Variants in LARP4B observed in about 807,000 individuals in gnomAD.
The protein encoded by LARP4B is La ribonucleoprotein 4B, also known as la-related protein 4B.
A neutral mutation model predicts 89.8 loss-of-function variants in LARP4B; 12 were observed. The observed-to-expected ratio is 0.13, with a 90% CI of 0.09 to 0.22. The LOEUF (loss-of-function observed/expected upper bound fraction) is 0.22. Among genes scored for constraint, LARP4B ranks in the 10% least tolerant of loss-of-function variants. The pLI, the probability that LARP4B is intolerant of heterozygous loss-of-function variation, is 1.00. For synonymous variants in LARP4B, 367 were observed against 363.3 expected, an observed-to-expected ratio of 1.01 and a Z score of -0.12; for missense variants, 757 against 947.7, an observed-to-expected ratio of 0.80 and a Z score of 2.64.
chr10:808,535 C>A (rs1831628104), downstream of LARP4B: 1 of 152,020 alleles, frequency 6.6e-6, no homozygotes, highest in Non-Finnish European at 1.5e-5. Flanking sequence ...ACCCTAGAGA[C>A]CCCAGGTGGA....
At position 819,145 on chromosome 10, in the gene LARP4B, T is replaced by C. The variant is rs192293569; in HGVS notation, c.1531-1256A>G. On this transcript the variant is annotated intron_variant, in intron 14 of 17. Transcript: ENST00000316157. ...CAAAATGATCCTGCAAAGCTCTAAG[T>C]TACACATGGCCACTATGATGGCAAA... 4 of 152,386 alleles carry C rather than the reference T, an allele frequency of 2.6e-5. No individual in the cohort carries two copies. In the East Asian group the frequency reaches 7.7e-4, roughly 29 times the overall value. 9.4% of individuals were successfully genotyped at this position (152,386 alleles called of 1,614,324 possible). A position where few individuals can be genotyped will look rare whatever the true frequency, so the allele number is the denominator to read the frequency against.
In LARP4B at chr10:892,135, C is replaced by T. The variant is rs113368645; in HGVS notation, c.-39-6375G>A. ...ACACAGCCGACCAAGGAGTTGAAGG[C>T]GGGCTCCGCACTCGCCAGTGCCTTA... is the stretch of plus-strand genomic sequence containing the variant. On this transcript the variant is annotated intron_variant, in intron 1 of 17. Transcript: ENST00000316157. Among the ~76,000 whole-genome samples, 1,478 of 152,362 alleles carry T rather than the reference C, an allele frequency of 9.7e-3. 11 individuals carry two copies. The highest frequency in any genetic ancestry group is 0.016 in the Non-Finnish European group (1,085 of 68,038).
intron 15 of LARP4B, 144 bp downstream of exon 15, chr10:817,581 T>C: frequency 2.6e-6 from 2 of 768,262 alleles, no homozygotes; most frequent in Non-Finnish European, 2.1e-6. Context: ...ACTCCAAATC[T>C]GTGTGACCTC....
the LARP4B span, among the ~76,000 whole-genome samples, chr10:968,547 C>T: frequency 6.8e-6 from 1 of 147,206 alleles, no homozygotes; most frequent in Non-Finnish European, 1.5e-5. Flanking sequence ...TGAGGGTCCT[C>T]TAATCTAAGG....
chr10:973,990 G>C, the LARP4B span, among the ~76,000 whole-genome samples: 4 of 152,100 alleles, frequency 2.6e-5, no homozygotes, highest in Admixed American at 6.5e-5. Context: ...TTCCCCATGT[G>C]GTCCTTTACA....
intron 1 of LARP4B, among the ~76,000 whole-genome samples, chr10:922,816 T>C (rs1837020673): frequency 6.6e-6 from 1 of 152,204 alleles, no homozygotes; most frequent in African/African-American, 2.4e-5. Context: ...CTCACGCCTG[T>C]AATCCCAACA....
In LARP4B at chr10:823,912, C is replaced by G. The variant is rs74876360; in HGVS notation, c.1484+1153G>C. 9.4e-3 allele frequency among the ~76,000 whole-genome samples: 1,435 copies of G among 152,240 alleles called. 39 individuals carry two copies. The highest frequency in any genetic ancestry group is 0.094 in the East Asian group (485 of 5,180). On this transcript the variant is annotated intron_variant, in intron 13 of 17. Coordinates refer to ENST00000316157, the MANE Select transcript of LARP4B (RefSeq NM_015155.3). Reference sequence around the variant, plus strand: ...GTGCCAGCTCTCCCAGACCATGGTGCCTTCCAATGCCACTGCACAATCCCT... The same window carrying G: ...GTGCCAGCTCTCCCAGACCATGGTGGCTTCCAATGCCACTGCACAATCCCT...
chr10:832,477 C>T, intron 8 of LARP4B, among the ~76,000 whole-genome samples: 1 of 152,300 alleles, frequency 6.6e-6, no homozygotes, highest in Non-Finnish European at 1.5e-5. Context: ...CAGAGGAAAA[C>T]ATTTAACAAA....
At chr10:885,334 CA>C (rs377667511) in intron 2 of LARP4B, among the ~76,000 whole-genome samples, 154 of 147,610 alleles carry the variant, frequency 1.0e-3, no homozygotes, top group Middle Eastern at 6.9e-3. Context: ...TTAGACTTCG[CA>C]AAAAAAAAAT....
At chr10:847,592 C>A (rs996224722) in intron 5 of LARP4B, among the ~76,000 whole-genome samples, 4 of 151,766 alleles carry the variant, frequency 2.6e-5, no homozygotes, top group Non-Finnish European at 5.9e-5. Context: ...GATCTTGCAA[C>A]CTTGGCTCAC....
At chr10:904,907 A>G (rs936295701) in intron 1 of LARP4B, among the ~76,000 whole-genome samples, 1 of 152,250 alleles carries the variant, frequency 6.6e-6, no homozygotes, top group Non-Finnish European at 1.5e-5. Flanking sequence ...CAGACTGTCC[A>G]CATGGGTGGC....
chr10:911,838 C>T (rs1203392393), intron 1 of LARP4B, among the ~76,000 whole-genome samples: 1 of 152,204 alleles, frequency 6.6e-6, no homozygotes, highest in Non-Finnish European at 1.5e-5. Flanking sequence ...GAGACCCTGA[C>T]TTTTGTGTGT....
At chr10:899,133 T>C (rs1227564137) in intron 1 of LARP4B, among the ~76,000 whole-genome samples, 1 of 152,224 alleles carries the variant, frequency 6.6e-6, no homozygotes, top group Non-Finnish European at 1.5e-5. Flanking sequence ...AGCTAAATAT[T>C]TCTCTTTTTA....
chr10:925,595 G>A (rs1052747939), intron 1 of LARP4B, among the ~76,000 whole-genome samples: 3 of 152,026 alleles, frequency 2.0e-5, no homozygotes, highest in Non-Finnish European at 4.4e-5. Flanking sequence ...GTGCAGTGGT[G>A]TGATCTCAGA....
chr10:852,412 G>C (rs904802799), intron 5 of LARP4B, among the ~76,000 whole-genome samples: 3 of 152,194 alleles, frequency 2.0e-5, no homozygotes, highest in Admixed American at 2.0e-4. Context: ...CATCTCCATA[G>C]ATGACAAATT....
At chr10:879,335 T>C (rs1202655428) in intron 3 of LARP4B, among the ~76,000 whole-genome samples, 7 of 152,248 alleles carry the variant, frequency 4.6e-5, no homozygotes, top group African/African-American at 1.7e-4. Context: ...TTCTCCGAAG[T>C]ACCAGGAGAC....
chr10:875,323 G>C (rs1835413618), intron 3 of LARP4B, among the ~76,000 whole-genome samples: 1 of 152,142 alleles, frequency 6.6e-6, no homozygotes, highest in African/African-American at 2.4e-5. Flanking sequence ...AGAGCTGTTA[G>C]GCAGACTTTA....
chr10:871,515 C>T (rs1045936619), intron 3 of LARP4B, among the ~76,000 whole-genome samples: 9 of 152,072 alleles, frequency 5.9e-5, no homozygotes, highest in Non-Finnish European at 8.8e-5. Context: ...GCCTTCCAAA[C>T]GCCAATTCTG....
At chr10:859,864 G>A (rs2131821985) in intron 5 of LARP4B, among the ~76,000 whole-genome samples, 1 of 152,120 alleles carries the variant, frequency 6.6e-6, no homozygotes, top group East Asian at 1.9e-4. Context: ...TGGATGCTAG[G>A]GGTTGGGGGG....
Sources: gnomAD v4.1 joint callset for allele counts (sites outside exome capture counted in the v4.1 genomes callset) on GRCh38, gnomAD v4.1.1 for gene constraint, MANE v1.5 for transcripts, NCBI Gene and HGNC (gene_info 2026-07-23, HGNC 2026-07-21) for gene names.